The following CLSTN2 variants were observed in gnomAD, a reference collection of about 807,000 sequenced individuals.
CLSTN2 encodes the protein calsyntenin 2.
Under a neutral mutation model 101.2 loss-of-function variants are expected in CLSTN2, and 48 were observed. That is an observed-to-expected ratio of 0.47 (90% confidence interval 0.38 to 0.60). The LOEUF is 0.60. Ranked by LOEUF, CLSTN2 falls within the 20% of genes least tolerant of loss-of-function variation. The pLI, the probability that CLSTN2 is intolerant of heterozygous loss-of-function variation, is 0.00. For synonymous variants in CLSTN2, 481 were observed against 463.6 expected, an observed-to-expected ratio of 1.04 and a Z score of -0.48; for missense variants, 1,160 against 1,238.2, an observed-to-expected ratio of 0.94 and a Z score of 0.95.
At chr3:140,500,285 T>C (rs544261984) in intron 8 of CLSTN2, among the ~76,000 whole-genome samples, 7 of 152,224 alleles carry the variant, frequency 4.6e-5, no homozygotes, top group African/African-American at 7.2e-5. Context: ...AGCAGCCTTA[T>C]TGGCAATTGT....
chr3:139,939,130 CA>C (rs1470306734), intron 1 of CLSTN2, among the ~76,000 whole-genome samples: 1 of 152,028 alleles, frequency 6.6e-6, no homozygotes, highest in Non-Finnish European at 1.5e-5. Flanking sequence ...ACAAAGTTTA[CA>C]AAAGCAGCAT....
At chr3:140,385,078 A>G (rs1010395667) in intron 2 of CLSTN2, among the ~76,000 whole-genome samples, 9 of 152,194 alleles carry the variant, frequency 5.9e-5, no homozygotes, top group African/African-American at 1.9e-4. Context: ...CATCTGTCAA[A>G]TTGTTTGAAA....
chr3:140,499,525 C>T (rs955613380), intron 8 of CLSTN2, among the ~76,000 whole-genome samples: 1 of 152,108 alleles, frequency 6.6e-6, no homozygotes, highest in African/African-American at 2.4e-5. Context: ...AAACAAAGGC[C>T]CACCTGGGTG....
intron 8 of CLSTN2, among the ~76,000 whole-genome samples, chr3:140,485,668 C>T (rs1043700946): frequency 6.6e-6 from 1 of 152,140 alleles, no homozygotes. Flanking sequence ...GGCACCCCTC[C>T]CCCAGCCTCA....
intron 1 of CLSTN2, among the ~76,000 whole-genome samples, chr3:140,010,566 G>T (rs1289104154): frequency 6.6e-6 from 1 of 152,180 alleles, no homozygotes; most frequent in Non-Finnish European, 1.5e-5. Context: ...TCCTAGGAAG[G>T]ACTCTGAATG....
chr3:140,071,675 C>CA (rs1560086130), intron 1 of CLSTN2, among the ~76,000 whole-genome samples: 2 of 151,704 alleles, frequency 1.3e-5, no homozygotes, highest in Non-Finnish European at 2.9e-5. Context: ...ACTAAAAATA[C>CA]AAAAAATTAG....
chr3:139,985,642 T>C (rs1308789495), intron 1 of CLSTN2, among the ~76,000 whole-genome samples: 1 of 152,166 alleles, frequency 6.6e-6, no homozygotes, highest in Non-Finnish European at 1.5e-5. Context: ...AAGAGAACTG[T>C]AGCTGTCACT....
intron 8 of CLSTN2, among the ~76,000 whole-genome samples, chr3:140,503,582 G>A (rs186777901): frequency 1.2e-3 from 188 of 151,960 alleles, no homozygotes; most frequent in Non-Finnish European, 8.2e-4. Flanking sequence ...GTTGCTAAGC[G>A]ATGCATGACT....
At chr3:140,453,087 A>G (rs1205765356) in intron 6 of CLSTN2, 1 of 152,224 alleles carries the variant, frequency 6.6e-6, no homozygotes, top group Non-Finnish European at 1.5e-5. Context: ...GTCCACTTTG[A>G]TGGCCCTACA....
At chr3:140,369,053 G>A (rs1202823888) in intron 2 of CLSTN2, among the ~76,000 whole-genome samples, 1 of 152,222 alleles carries the variant, frequency 6.6e-6, no homozygotes, top group Non-Finnish European at 1.5e-5. Flanking sequence ...GACAGTGTGA[G>A]CTCTTTTAGG....
chr3:140,120,927 A>G (rs940006873), intron 1 of CLSTN2, among the ~76,000 whole-genome samples: 7 of 152,236 alleles, frequency 4.6e-5, no homozygotes, highest in Middle Eastern at 3.4e-3. Context: ...GTACACACAC[A>G]TTTTCAATGC....
intron 1 of CLSTN2, among the ~76,000 whole-genome samples, chr3:140,003,074 G>A (rs1475855271): frequency 6.6e-6 from 1 of 152,048 alleles, no homozygotes; most frequent in Non-Finnish European, 1.5e-5. Context: ...ATAAATTTTA[G>A]CATTTCTTTT....
At chr3:139,987,291 C>G (rs1277548757) in intron 1 of CLSTN2, among the ~76,000 whole-genome samples, 1 of 152,154 alleles carries the variant, frequency 6.6e-6, no homozygotes, top group South Asian at 2.1e-4. Flanking sequence ...TGTTTATACC[C>G]CTGCATTCAG....
intron 1 of CLSTN2, among the ~76,000 whole-genome samples, chr3:139,958,357 G>A (rs1038166748): frequency 3.9e-5 from 6 of 152,146 alleles, no homozygotes; most frequent in Non-Finnish European, 8.8e-5. Flanking sequence ...GAGGTGTGAG[G>A]TGAGTTTTGT....
In CLSTN2 at chr3:140,242,905, C is replaced by T. The variant is rs149925062; in HGVS notation, c.232+66832C>T. 4.4e-3 allele frequency among the ~76,000 whole-genome samples: 671 copies of T among 152,316 alleles called. 4 individuals carry two copies. Among genetic ancestry groups the T allele is most frequent in the African/African-American group, 0.015 (618 of 41,580 alleles). On this transcript the variant is annotated intron_variant, in intron 2 of 16. Coordinates refer to ENST00000458420, the MANE Select transcript of CLSTN2 (RefSeq NM_022131.3). ...CCACGCTGCCCTCATTTGGGACTCA[C>T]ATACAGGAGCCACACATGCGCTCAT... is the stretch of plus-strand genomic sequence containing the variant.
At chr3:139,956,255 G>A (rs1576375787) in intron 1 of CLSTN2, among the ~76,000 whole-genome samples, 1 of 152,254 alleles carries the variant, frequency 6.6e-6, no homozygotes, top group Non-Finnish European at 1.5e-5. Context: ...CTCATATTTT[G>A]TTCTGTATTT....
At chr3:139,971,685 C>A (rs1270453663) in intron 1 of CLSTN2, among the ~76,000 whole-genome samples, 4 of 152,218 alleles carry the variant, frequency 2.6e-5, no homozygotes, top group African/African-American at 9.6e-5. Context: ...ACCTTGAATT[C>A]TGAACCCACA....
At chr3:140,051,414 G>A (rs949890062) in intron 1 of CLSTN2, among the ~76,000 whole-genome samples, 5 of 152,064 alleles carry the variant, frequency 3.3e-5, no homozygotes, top group African/African-American at 7.2e-5. Flanking sequence ...GTCCATTCCC[G>A]TTCCATCCTC....
intron 1 of CLSTN2, among the ~76,000 whole-genome samples, chr3:140,052,206 T>TG (rs1208364626): frequency 1.3e-5 from 2 of 152,310 alleles, no homozygotes; most frequent in East Asian, 3.9e-4. Flanking sequence ...TCGCCCAGGC[T>TG]GGAGTGTAAT....
Sources: allele counts gnomAD v4.1 joint callset (sites outside exome capture counted in the v4.1 genomes callset), GRCh38; gene constraint gnomAD v4.1.1; transcripts MANE v1.5; gene names NCBI Gene and HGNC (gene_info 2026-07-23, HGNC 2026-07-21).